Variants in VPS13C observed in about 807,000 individuals in gnomAD.
The protein encoded by VPS13C is vacuolar protein sorting 13 homolog C.
Under a neutral mutation model 456.8 loss-of-function variants are expected in VPS13C, and 358 were observed. The observed-to-expected ratio is 0.78, with a 90% CI of 0.72 to 0.86. The LOEUF (loss-of-function observed/expected upper bound fraction) is 0.86, where lower values mean the gene tolerates loss of function less well. VPS13C is among the 40% of genes least tolerant of loss of function. The pLI is 0.00. For missense variants in VPS13C, 4,818 were observed against 4,385.4 expected, an observed-to-expected ratio of 1.10 and a Z score of -2.79; for synonymous variants, 1,578 against 1,486.7, an observed-to-expected ratio of 1.06 and a Z score of -1.41.
intron 16 of VPS13C, among the ~76,000 whole-genome samples, chr15:61,993,621 CA>C (rs2046291027): frequency 6.6e-6 from 1 of 151,862 alleles, no homozygotes; most frequent in Admixed American, 6.6e-5. Flanking sequence ...AAATTTTACA[CA>C]TAATAAAGAG....
intron 53 of VPS13C, among the ~76,000 whole-genome samples, chr15:61,924,041 AT>A (rs1441582104): frequency 6.7e-6 from 1 of 149,590 alleles, no homozygotes; most frequent in Non-Finnish European, 1.5e-5. Flanking sequence ...AATTTTTTGT[AT>A]TTTTTAGTAG....
At chr15:61,935,823 A>G (rs1041398222) in intron 48 of VPS13C, 1 of 152,218 alleles carries the variant, frequency 6.6e-6, no homozygotes, top group African/African-American at 2.4e-5. Context: ...TGGTATATCA[A>G]CTGGTAGTTT....
At chr15:62,037,352 A>AT (rs2048080126) in intron 3 of VPS13C, among the ~76,000 whole-genome samples, 1 of 85,534 alleles carries the variant, frequency 1.2e-5, no homozygotes. Context: ...AATATATTAT[A>AT]TATAAATGTA....
Position 61,874,863 on chromosome 15 carries a change from A to G in VPS13C, c.10414+13T>C, listed in dbSNP as rs745470615. 29 of 1,570,804 alleles carry G rather than the reference A, an allele frequency of 1.8e-5. 1 individual carries two copies. The South Asian group carries it at 3.3e-4, about 18-fold the overall frequency. On this transcript the variant is annotated intron_variant, in intron 77 of 84. Coordinates refer to ENST00000644861, the MANE Select transcript of VPS13C (RefSeq NM_020821.3). ...AAAAAATATACACATATACACAAAT[A>G]TGTGATACATACCTACTGTGTGTCC...
In VPS13C at chr15:61,982,565, GAC is replaced by G; in HGVS notation, c.1921_1922del (p.Val641GlnfsTer5). 1 of 1,601,196 alleles carries G rather than the reference GAC, an allele frequency of 6.2e-7. No individual in the cohort carries two copies. The highest frequency in any genetic ancestry group is 1.3e-5 in the African/African-American group (1 of 74,400). On this transcript the variant is annotated frameshift_variant, in exon 21 of 85. Coordinates refer to ENST00000644861, the MANE Select transcript of VPS13C (RefSeq NM_020821.3). LOFTEE classifies it high-confidence loss of function. ...ATTGAAAGAATTCAACCACTGCATT[GAC>G]AGTTTTCTATAAGAAAATTTTTTTA... ...PVEVIYDAKT[V>X]NAVVEFFQSN...
In VPS13C at chr15:61,970,859, T is replaced by TA. The variant is rs71125959; in HGVS notation, c.2758-1408dup. On this transcript the variant is annotated intron_variant, in intron 27 of 84. Transcript: ENST00000644861. ...ATTGAACAAATACCTGAAGTTAGTT[T>TA]AAAAAAAAAAAAAAAAAAAAAATCA... Among the ~76,000 whole-genome samples the TA allele has an allele frequency of 3.6e-3, 456 of 125,842 alleles. 8 individuals are homozygous for TA. In the East Asian group the frequency reaches 0.042, roughly 11 times the overall value. 82.6% of individuals were successfully genotyped at this position (125,842 alleles called of 152,430 possible). A position where few individuals can be genotyped will look rare whatever the true frequency, so the allele number is the denominator to read the frequency against.
chr15:61,950,045 T>C (rs2044734200), intron 41 of VPS13C, among the ~76,000 whole-genome samples: 1 of 152,168 alleles, frequency 6.6e-6, no homozygotes, highest in African/African-American at 2.4e-5. Flanking sequence ...TGTTTAATGC[T>C]TCCATCAACG....
chr15:61,975,159 A>C (rs1223953536), intron 24 of VPS13C, among the ~76,000 whole-genome samples: 1 of 152,144 alleles, frequency 6.6e-6, no homozygotes, highest in East Asian at 1.9e-4. Flanking sequence ...AAAGCACTAA[A>C]TGCCTATATT....
chr15:61,934,126 A>T, intron 49 of VPS13C, 93 bp downstream of exon 49: 1 of 704,908 alleles, frequency 1.4e-6, no homozygotes, highest in Non-Finnish European at 2.2e-6. Context: ...TAAATGTTTT[A>T]ATGAAAAGTC....
chr15:61,904,126 CAT>C (rs750887897), intron 66 of VPS13C, among the ~76,000 whole-genome samples: 6 of 151,910 alleles, frequency 3.9e-5, no homozygotes, highest in Admixed American at 3.9e-4. Context: ...TGAAAACAAA[CAT>C]ATAGGATTAC....
At chr15:62,005,348 T>G (rs2046794517) in intron 15 of VPS13C, among the ~76,000 whole-genome samples, 3 of 152,272 alleles carry the variant, frequency 2.0e-5, no homozygotes, top group East Asian at 3.9e-4. Context: ...ACCCCTGCCT[T>G]TTTTTGTTTT....
intron 20 of VPS13C, 100 bp downstream of exon 20, chr15:61,983,720 A>T: frequency 7.9e-7 from 1 of 1,265,152 alleles, no homozygotes; most frequent in Non-Finnish European, 1.1e-6. Context: ...CTTACTTATT[A>T]AGTAAATAAA....
At chr15:61,893,544 A>G (rs1424093358) in intron 66 of VPS13C, among the ~76,000 whole-genome samples, 1 of 151,870 alleles carries the variant, frequency 6.6e-6, no homozygotes, top group Non-Finnish European at 1.5e-5. Context: ...TTGGAGGCAT[A>G]TAACTCACTG....
chr15:61,980,634 T>A (rs2045854070), intron 22 of VPS13C, among the ~76,000 whole-genome samples: 2 of 147,748 alleles, frequency 1.4e-5, no homozygotes, highest in South Asian at 4.3e-4. Flanking sequence ...GGTTTCCTAA[T>A]CTTAAAAAAA....
chr15:61,917,187 G>A (rs1030449474), intron 60 of VPS13C, among the ~76,000 whole-genome samples, 154 bp downstream of exon 60: 1 of 152,132 alleles, frequency 6.6e-6, no homozygotes, highest in Non-Finnish European at 1.5e-5. Flanking sequence ...CATAGTAAAT[G>A]TTATGCCAGT....
intron 82 of VPS13C, among the ~76,000 whole-genome samples, chr15:61,859,427 T>C (rs1468925149): frequency 6.6e-6 from 1 of 152,160 alleles, no homozygotes; most frequent in Non-Finnish European, 1.5e-5. Flanking sequence ...ACATTAATGA[T>C]AAAACCTAAA....
Position 61,922,774 on chromosome 15 carries a change from A to C in VPS13C, c.6610-12T>G. The C allele has an allele frequency of 6.5e-7, 1 of 1,544,148 alleles. No homozygotes were observed. Among genetic ancestry groups the C allele is most frequent in the Non-Finnish European group, 8.7e-7 (1 of 1,151,356 alleles). Reference sequence around the variant, plus strand: ...ATTATGGGTGAAATCTTTAAAAAAGAAAGCAGAAAAATATTTATAATAAAT... The same window carrying C: ...ATTATGGGTGAAATCTTTAAAAAAGCAAGCAGAAAAATATTTATAATAAAT... On this transcript the variant is annotated splice_polypyrimidine_tract_variant and intron_variant, in intron 53 of 84. Transcript: ENST00000644861.
At chr15:61,882,911 A>G (rs796760570) in intron 68 of VPS13C, among the ~76,000 whole-genome samples, 175 bp from the exon 69 acceptor site, 1 of 152,294 alleles carries the variant, frequency 6.6e-6, no homozygotes, top group African/African-American at 2.4e-5. Context: ...CCACTTTTCT[A>G]CCAGTTATTA....
chr15:62,058,118 T>G (rs142147835), intron 1 of VPS13C, among the ~76,000 whole-genome samples: 199 of 152,318 alleles, frequency 1.3e-3, no homozygotes, highest in African/African-American at 4.5e-3. Context: ...AAGTTTAAAT[T>G]AAGATGAAGA....
Sources: allele counts gnomAD v4.1 joint callset (sites outside exome capture counted in the v4.1 genomes callset), GRCh38; gene constraint gnomAD v4.1.1; transcripts MANE v1.5; gene names NCBI Gene and HGNC (gene_info 2026-07-23, HGNC 2026-07-21).